The following MYLK variants were observed in gnomAD, a reference collection of about 807,000 sequenced individuals.
MYLK encodes the protein myosin light chain kinase, smooth muscle.
MYLK carries 106 observed loss-of-function variants against 203.4 expected under a neutral mutation model. The observed-to-expected ratio is 0.52, with a 90% confidence interval of 0.45 to 0.61. The LOEUF is 0.61. MYLK is among the 20% of genes least tolerant of loss of function. The probability of loss-of-function intolerance (pLI) is 0.00; values close to 1 mark genes in which losing one functional copy is unlikely to be tolerated. For missense variants in MYLK, 2,072 were observed against 2,442.3 expected (o/e 0.85, Z 3.20); for synonymous variants, 867 against 959.5 (o/e 0.90, Z 1.78).
chr3:123,640,255 T>A lies in MYLK; in HGVS notation c.4837+32A>T. On this transcript the variant is annotated intron_variant, in intron 28 of 33. Transcript: ENST00000360304. This position sits in a 1 kb window ranked among gnomAD's most constrained non-coding sequence, Gnocchi z 4.3. ...AGGAAACGGCCAGTGCAATACACAC[T>A]GGTGTCCATGGGAGAGGCAGATGAG... 1 of 1,598,560 alleles carries A rather than the reference T, an allele frequency of 6.3e-7. No homozygotes were observed.
intron 2 of MYLK, among the ~76,000 whole-genome samples, chr3:123,849,229 C>T (rs1336516722): frequency 2.6e-5 from 4 of 152,156 alleles, no homozygotes; most frequent in African/African-American, 9.7e-5. Context: ...ACACCTTGGC[C>T]TCCTAAAGTG....
At chr3:123,696,773 G>C (rs1193333588) in intron 18 of MYLK, among the ~76,000 whole-genome samples, 4 of 152,160 alleles carry the variant, frequency 2.6e-5, no homozygotes, top group Admixed American at 1.3e-4. Context: ...TTTGGGCACA[G>C]AGTCCACCAA....
At chr3:123,796,322 T>C (rs546199813) in intron 3 of MYLK, among the ~76,000 whole-genome samples, 3 of 152,200 alleles carry the variant, frequency 2.0e-5, no homozygotes, top group African/African-American at 7.2e-5. Flanking sequence ...ATGCATTTAG[T>C]AGGGGGCAGA....
intron 29 of MYLK, among the ~76,000 whole-genome samples, chr3:123,637,690 T>C (rs1229434026): frequency 6.6e-6 from 1 of 152,090 alleles, no homozygotes; most frequent in Non-Finnish European, 1.5e-5. Context: ...TGCCCAGAGA[T>C]TCGCCCCTGG....
chr3:123,748,302 C>G (rs1325298952), intron 5 of MYLK, among the ~76,000 whole-genome samples: 1 of 152,222 alleles, frequency 6.6e-6, no homozygotes, highest in African/African-American at 2.4e-5. Context: ...GGATCCATCC[C>G]CATGATCTAA....
chr3:123,736,674 C>G (rs950132468), intron 8 of MYLK, among the ~76,000 whole-genome samples: 1 of 152,106 alleles, frequency 6.6e-6, no homozygotes, highest in Non-Finnish European at 1.5e-5. Flanking sequence ...GGGGTCAAGT[C>G]GAAGGATCGC....
intron 2 of MYLK, among the ~76,000 whole-genome samples, chr3:123,858,908 T>G (rs1213593423): frequency 6.6e-6 from 1 of 152,232 alleles, no homozygotes; most frequent in Admixed American, 6.5e-5. Context: ...CCAGGAGAGC[T>G]GTGTGCTTAC....
intron 12 of MYLK, among the ~76,000 whole-genome samples, 188 bp downstream of exon 12, chr3:123,725,756 G>A (rs2062255526): frequency 6.6e-6 from 1 of 152,232 alleles, no homozygotes; most frequent in African/African-American, 2.4e-5. Context: ...GGCTCAGACA[G>A]GAGTAGTAAC....
chr3:123,628,380 G>C (rs1232481282), intron 30 of MYLK, among the ~76,000 whole-genome samples: 1 of 152,170 alleles, frequency 6.6e-6, no homozygotes, highest in Non-Finnish European at 1.5e-5. Flanking sequence ...AAGTCACCTG[G>C]GAGTGCAGAG....
intron 20 of MYLK, among the ~76,000 whole-genome samples, chr3:123,669,971 G>A (rs185334123): frequency 8.6e-4 from 126 of 146,884 alleles, no homozygotes; most frequent in African/African-American, 2.9e-3. Context: ...GGAGGTAGAG[G>A]CTGCAATGAG....
At chr3:123,722,473 G>A (rs1398088752) in intron 12 of MYLK, among the ~76,000 whole-genome samples, 193 bp from the exon 13 acceptor site, 3 of 152,228 alleles carry the variant, frequency 2.0e-5, no homozygotes, top group Non-Finnish European at 4.4e-5. Flanking sequence ...GAAAGAGCCA[G>A]GGGCTAAGGA....
intron 13 of MYLK, among the ~76,000 whole-genome samples, chr3:123,720,697 C>A (rs1358163272): frequency 6.6e-6 from 1 of 152,194 alleles, no homozygotes; most frequent in Non-Finnish European, 1.5e-5. Context: ...TGCAAATTCC[C>A]AGAGGCCAGA....
intron 23 of MYLK, among the ~76,000 whole-genome samples, chr3:123,661,072 A>G (rs1019108277): frequency 6.6e-6 from 1 of 152,162 alleles, no homozygotes; most frequent in Non-Finnish European, 1.5e-5. Flanking sequence ...GGCATTTAAC[A>G]TGCTGCTCCT....
In MYLK at chr3:123,739,012, T is replaced by A. The variant is rs1560156275; in HGVS notation, c.473A>T (p.Glu158Val). 1.2e-6 allele frequency: 2 copies of A among 1,613,576 alleles called. No individual in the cohort carries two copies. The highest frequency in any genetic ancestry group is 3.3e-5 in the Admixed American group (2 of 59,972). Residue 158 changes from glutamate (E) to valine (V), a missense_variant, in exon 7 of 34, where the codon GAG (glutamate) becomes GTG (valine). By Grantham distance (121) the Glu-to-Val change is moderately radical (BLOSUM62 -2). This residue lies in a region of MYLK where 683 missense variants were observed against 643.8 expected (regional missense o/e 1.06). Transcript: ENST00000360304. ...AVETRPSIWG[E>V]CPPKFATKLG... The stretch of plus-strand genomic sequence containing the variant: ...CTTGGTAGCAAACTTTGGTGGGCAC[T>A]CCCCCCAGATGCTAGGACGGGTCTC...
At chr3:123,732,808 TAGG>T (rs1377736342) in intron 11 of MYLK, 85 bp downstream of exon 11, 1 of 1,297,374 alleles carries the variant, frequency 7.7e-7, no homozygotes, top group African/African-American at 1.5e-5. Flanking sequence ...CAGGGGGCTA[TAGG>T]AGATGAACCA....
chr3:123,718,555 A>C lies in MYLK; in HGVS notation c.1804+3573T>G, dbSNP rs74544622. ...CAGCCACAGAGGCTGCTGTCTTGCT[A>C]CTCCTCGAATGGGTCAACCTTGCTC... On this transcript the variant is annotated intron_variant, in intron 13 of 33. Coordinates refer to ENST00000360304, the MANE Select transcript of MYLK (RefSeq NM_053025.4). Among the ~76,000 whole-genome samples the C allele has an allele frequency of 7.4e-4, 112 of 151,960 alleles. No individual in the cohort carries two copies. The East Asian group carries it at 0.019, about 25-fold the overall frequency.
intron 20 of MYLK, chr3:123,681,744 C>T (rs574730431): frequency 2.9e-5 from 6 of 205,740 alleles, no homozygotes; most frequent in South Asian, 9.2e-5. Context: ...TGTGCACATG[C>T]GAGCTAGGTA....
At chr3:123,804,696 A>T (rs548451131) in intron 3 of MYLK, among the ~76,000 whole-genome samples, 1 of 152,168 alleles carries the variant, frequency 6.6e-6, no homozygotes, top group East Asian at 1.9e-4. Context: ...TTCTGAGGGC[A>T]TGGGCACAAG....
chr3:123,721,199 C>T (rs1182092779), intron 13 of MYLK, among the ~76,000 whole-genome samples: 1 of 152,226 alleles, frequency 6.6e-6, no homozygotes, highest in Admixed American at 6.5e-5. Flanking sequence ...ACAGTGGCTA[C>T]TCATACAACA....
Sources: gnomAD v4.1 joint callset for allele counts (sites outside exome capture counted in the v4.1 genomes callset) on GRCh38, gnomAD v4.1.1 for gene constraint, gnomAD v4.1.1 regional missense constraint, Gnocchi (gnomAD v3.1) non-coding constraint, MANE v1.5 for transcripts, NCBI Gene and HGNC (gene_info 2026-07-23, HGNC 2026-07-21) for gene names.